The following PREX2 variants were observed in gnomAD, a reference collection of about 807,000 sequenced individuals.
PREX2 encodes phosphatidylinositol-3,4,5-trisphosphate dependent Rac exchange factor 2.
PREX2 carries 107 observed loss-of-function variants against 203.2 expected under a neutral mutation model. The ratio of observed to expected loss-of-function variants is 0.53; its 90% CI spans 0.45 to 0.62. PREX2 has a LOEUF of 0.62. Ranked by LOEUF, PREX2 falls within the 20% of genes least tolerant of loss-of-function variation. PREX2 has a pLI of 0.00. For synonymous variants in PREX2, 672 were observed against 663.6 expected, an observed-to-expected ratio of 1.01 and a Z score of -0.19; for missense variants, 1,777 against 1,955.9, an observed-to-expected ratio of 0.91 and a Z score of 1.72.
chr8:68,125,890 G>A (rs956033033), intron 30 of PREX2, among the ~76,000 whole-genome samples: 5 of 151,468 alleles, frequency 3.3e-5, no homozygotes, highest in Non-Finnish European at 5.9e-5. Flanking sequence ...TCTGGCTAAC[G>A]TCCCTCTCCC....
At chr8:68,082,031 ATCAT>A (rs143880470) in intron 17 of PREX2, among the ~76,000 whole-genome samples, 50 of 34,202 alleles carry the variant, frequency 1.5e-3, no homozygotes, top group East Asian at 8.0e-3. Context: ...AAAACTTCTG[ATCAT>A]TCATTCATTC....
chr8:68,144,504 A>G (rs984170599), intron 33 of PREX2, among the ~76,000 whole-genome samples: 2 of 152,204 alleles, frequency 1.3e-5, no homozygotes, highest in Non-Finnish European at 2.9e-5. Flanking sequence ...CTGCTGGTAT[A>G]TAAGAAAGGA....
intron 1 of PREX2, among the ~76,000 whole-genome samples, chr8:67,963,334 ACT>A (rs1805682708): frequency 1.3e-5 from 2 of 152,152 alleles, no homozygotes; most frequent in African/African-American, 4.8e-5. Context: ...ATAGAAGGAG[ACT>A]ATATCTTTAT....
intron 26 of PREX2, among the ~76,000 whole-genome samples, chr8:68,117,216 C>T (rs150177877): frequency 6.6e-6 from 1 of 152,222 alleles, no homozygotes; most frequent in East Asian, 1.9e-4. Context: ...TAATCCTCAC[C>T]GCAAGCCTCG....
At chr8:68,223,373 C>T (rs1025810775) in intron 38 of PREX2, 3 of 151,934 alleles carry the variant, frequency 2.0e-5, no homozygotes, top group African/African-American at 7.3e-5. Context: ...ATAATGAGTT[C>T]AATTGATCTG....
intron 1 of PREX2, among the ~76,000 whole-genome samples, chr8:67,966,851 C>T (rs1805791589): frequency 6.6e-6 from 1 of 152,108 alleles, no homozygotes; most frequent in Non-Finnish European, 1.5e-5. Flanking sequence ...TACTGTCTGC[C>T]AATCACTATT....
intron 1 of PREX2, among the ~76,000 whole-genome samples, chr8:67,998,885 G>A (rs183916904): frequency 5.8e-4 from 88 of 152,346 alleles, no homozygotes; most frequent in Admixed American, 3.2e-3. Context: ...GCAGGTTTGA[G>A]AAGAGCCATA....
intron 24 of PREX2, among the ~76,000 whole-genome samples, chr8:68,108,623 G>A (rs573744947): frequency 6.6e-6 from 1 of 152,260 alleles, no homozygotes; most frequent in East Asian, 1.9e-4. Context: ...GATCTGAAAT[G>A]GCCCTGAAAC....
intron 1 of PREX2, among the ~76,000 whole-genome samples, chr8:67,976,994 T>C (rs1010129506): frequency 6.6e-6 from 1 of 152,204 alleles, no homozygotes; most frequent in Non-Finnish European, 1.5e-5. Flanking sequence ...AATAAATGGT[T>C]ATTGTAAGCC....
At chr8:67,987,543 T>G (rs1806470941) in intron 1 of PREX2, among the ~76,000 whole-genome samples, 1 of 152,116 alleles carries the variant, frequency 6.6e-6, no homozygotes, top group Admixed American at 6.5e-5. Context: ...CCACCATTCC[T>G]CTCCAGGTAC....
At chr8:68,127,952 T>C (rs1810928239) in intron 31 of PREX2, among the ~76,000 whole-genome samples, 2 of 152,078 alleles carry the variant, frequency 1.3e-5, no homozygotes, top group South Asian at 4.1e-4. Context: ...ATTTTGTTCA[T>C]CAGCAAATGC....
chr8:68,022,787 A>G (rs1311741170), intron 4 of PREX2, among the ~76,000 whole-genome samples: 9 of 151,988 alleles, frequency 5.9e-5, no homozygotes, highest in Admixed American at 5.9e-4. Context: ...TTTACAGCCT[A>G]TCTCTGTACC....
intron 6 of PREX2, among the ~76,000 whole-genome samples, chr8:68,034,970 A>T (rs1373908422): frequency 3.3e-5 from 5 of 152,180 alleles, no homozygotes; most frequent in East Asian, 1.9e-4. Context: ...ACCACTGAAA[A>T]TGAATCCAGT....
At chr8:68,066,126 C>T (rs1809009483) in intron 11 of PREX2, among the ~76,000 whole-genome samples, 2 of 152,046 alleles carry the variant, frequency 1.3e-5, no homozygotes, top group Non-Finnish European at 2.9e-5. Flanking sequence ...TTCATCCATC[C>T]ATGGAAACTT....
At chr8:68,030,407 C>A in intron 5 of PREX2, 90 bp from the exon 6 acceptor site, 2 of 1,246,284 alleles carry the variant, frequency 1.6e-6, no homozygotes, top group South Asian at 1.6e-5. Flanking sequence ...CTCTCATGAT[C>A]TTTGCAGTTT....
intron 1 of PREX2, among the ~76,000 whole-genome samples, chr8:67,999,516 A>G (rs1297931831): frequency 4.0e-5 from 6 of 151,196 alleles, no homozygotes; most frequent in Non-Finnish European, 7.4e-5. Flanking sequence ...AGACAGATTC[A>G]TAGCCAAATT....
chr8:67,968,957 A>T (rs1805848443), intron 1 of PREX2, among the ~76,000 whole-genome samples: 1 of 151,904 alleles, frequency 6.6e-6, no homozygotes, highest in Non-Finnish European at 1.5e-5. Context: ...GATATGTAAA[A>T]CTCCTTGAAC....
At chr8:68,151,916 G>A (rs1409670286) in intron 34 of PREX2, among the ~76,000 whole-genome samples, 2 of 151,752 alleles carry the variant, frequency 1.3e-5, no homozygotes, top group African/African-American at 2.4e-5. Context: ...GAAAGGGGAC[G>A]TTTTGTTATA....
intron 12 of PREX2, 58 bp from the exon 13 acceptor site, chr8:68,069,777 C>T: frequency 1.3e-6 from 1 of 773,822 alleles, no homozygotes. Flanking sequence ...TTCAAAATTT[C>T]ATTGAAATGT....
Sources: allele counts gnomAD v4.1 joint callset (sites outside exome capture counted in the v4.1 genomes callset), GRCh38; gene constraint gnomAD v4.1.1; transcripts MANE v1.5; gene names NCBI Gene and HGNC (gene_info 2026-07-23, HGNC 2026-07-21).